PTPRC: variants seen among roughly 807,000 people sequenced by gnomAD.
The protein encoded by PTPRC is receptor-type tyrosine-protein phosphatase C.
In PTPRC, 44 loss-of-function variants were observed where a neutral mutation model predicts 155.9. The ratio of observed to expected loss-of-function variants is 0.28; its 90% CI spans 0.22 to 0.36. PTPRC has a LOEUF of 0.36. PTPRC is among the 10% of genes least tolerant of loss of function. The probability of loss-of-function intolerance (pLI) is 1.00; values close to 1 mark genes in which losing one functional copy is unlikely to be tolerated. For missense variants in PTPRC, 1,401 were observed against 1,564.6 expected (o/e 0.90, Z 1.76); for synonymous variants, 525 against 533.1 (o/e 0.98, Z 0.21).
intron 2 of PTPRC, among the ~76,000 whole-genome samples, chr1:198,643,238 T>A (rs1462996730): frequency 6.6e-6 from 1 of 151,872 alleles, no homozygotes; most frequent in Non-Finnish European, 1.5e-5. Context: ...TTAGTGGATT[T>A]CTTGACATTG....
chr1:198,638,909 G>A (rs941017159), upstream of PTPRC: 5 of 219,398 alleles, frequency 2.3e-5, no homozygotes, highest in Non-Finnish European at 4.6e-5. Flanking sequence ...CTTTTAAAAG[G>A]CTTTCTAACT....
intron 23 of PTPRC, among the ~76,000 whole-genome samples, chr1:198,737,526 T>C (rs1238477297): frequency 6.6e-6 from 1 of 151,670 alleles, no homozygotes; most frequent in Non-Finnish European, 1.5e-5. Context: ...GCTCTATGTA[T>C]GTTTTTATGC....
At chr1:198,739,361 A>G (rs1326685521) in intron 23 of PTPRC, among the ~76,000 whole-genome samples, 1 of 151,870 alleles carries the variant, frequency 6.6e-6, no homozygotes, top group Non-Finnish European at 1.5e-5. Flanking sequence ...AGACACAAAT[A>G]GACTTAAAAT....
chr1:198,702,479 GCTGCCTTAC>G lies in PTPRC; in HGVS notation c.537_545del (p.Leu180_Ala182del). On this transcript the variant is annotated inframe_deletion, in exon 6 of 33. Transcript: ENST00000442510. Reference sequence around the variant, plus strand: ...CCTCAGCCTTGCACACCACAGCTCTGCTGCCTTACCTGCACGCACCTCCAACACCACCAT... The same window carrying G: ...CCTCAGCCTTGCACACCACAGCTCTGCTGCACGCACCTCCAACACCACCAT... 1 of 1,614,090 alleles carries G rather than the reference GCTGCCTTAC, an allele frequency of 6.2e-7. No individual in the cohort carries two copies. The highest frequency in any genetic ancestry group is 2.2e-5 in the East Asian group (1 of 44,874).
intron 26 of PTPRC, among the ~76,000 whole-genome samples, chr1:198,744,720 A>G (rs750323378): frequency 5.3e-5 from 8 of 151,842 alleles, no homozygotes; most frequent in Non-Finnish European, 1.0e-4. Flanking sequence ...AATTTCAGAG[A>G]GTTTGCATAG....
chr1:198,649,912 T>C (rs1251746592), intron 2 of PTPRC, among the ~76,000 whole-genome samples: 1 of 151,848 alleles, frequency 6.6e-6, no homozygotes, highest in Non-Finnish European at 1.5e-5. Context: ...TAGTGTAATA[T>C]GGTAGAGTTT....
intron 2 of PTPRC, among the ~76,000 whole-genome samples, chr1:198,649,858 T>C (rs1392252530): frequency 6.6e-6 from 1 of 151,754 alleles, no homozygotes; most frequent in African/African-American, 2.4e-5. Context: ...AACAACAAAT[T>C]GAGATAACTT....
intron 2 of PTPRC, among the ~76,000 whole-genome samples, chr1:198,650,432 G>A (rs1663182637): frequency 6.6e-6 from 1 of 151,766 alleles, no homozygotes; most frequent in African/African-American, 2.4e-5. Flanking sequence ...CAGTGCAGGT[G>A]GAAAGAAAGG....
chr1:198,664,010 A>G (rs551694123), intron 2 of PTPRC, among the ~76,000 whole-genome samples: 4 of 152,202 alleles, frequency 2.6e-5, no homozygotes, highest in African/African-American at 9.6e-5. Flanking sequence ...TTAACCCTAC[A>G]TGCCTTTAGT....
Position 198,668,218 on chromosome 1 carries a change from A to G in PTPRC, c.74-24129A>G, listed in dbSNP as rs1229482756. On this transcript the variant is annotated intron_variant, in intron 2 of 32. Coordinates refer to ENST00000442510, the MANE Select transcript of PTPRC (RefSeq NM_002838.5). The stretch of plus-strand genomic sequence containing the variant: ...ATCATGGTGTGATGTCTTTTTTTTT[A>G]TTTTTGTTTTAGAGACAGGGTCTCA... Among the ~76,000 whole-genome samples, 4 of 151,264 alleles carry G rather than the reference A, an allele frequency of 2.6e-5. No homozygotes were observed. The East Asian group carries it at 7.7e-4, about 29-fold the overall frequency.
chr1:198,696,906 A>G lies in PTPRC; in HGVS notation c.295A>G (p.Thr99Ala), dbSNP rs762651341. 3.1e-6 allele frequency: 5 copies of G among 1,611,862 alleles called. No homozygotes were observed. The highest frequency in any genetic ancestry group is 1.1e-5 in the South Asian group (1 of 91,034). ...SLDNASAFNT[T>A]GVSSVQTPHL... The stretch of plus-strand genomic sequence containing the variant: ...GGATAATGCTAGTGCTTTTAATACC[A>G]CAGGTTGGCACACAAAAGTTGTTAA... Residue 99 changes from threonine to alanine, a missense_variant, in exon 4 of 33, where the codon ACA (threonine) becomes GCA (alanine). Thr to Ala is a moderately conservative substitution (Grantham distance 58, BLOSUM62 0). Coordinates refer to ENST00000442510, the MANE Select transcript of PTPRC (RefSeq NM_002838.5).
chr1:198,654,503 G>T (rs6428473), intron 2 of PTPRC, among the ~76,000 whole-genome samples: 59,219 of 151,346 alleles, frequency 0.39, 12,019 homozygotes, highest in East Asian at 0.68. Context: ...GTGAAGAAAA[G>T]ACAACTATAT....
Position 198,754,340 on chromosome 1 carries a change from T to C in PTPRC, c.3581T>C (p.Val1194Ala), listed in dbSNP as rs769204527. 6.2e-7 allele frequency: 1 copy of C among 1,613,070 alleles called. No individual in the cohort carries two copies. Residue 1194 changes from valine to alanine, a missense_variant, in exon 32 of 33, where the codon GTA (valine) becomes GCA (alanine). Physicochemically the swap from Val to Ala is moderately conservative, Grantham distance 64. Coordinates refer to ENST00000442510, the MANE Select transcript of PTPRC (RefSeq NM_002838.5). The part of the protein sequence containing the change: ...NLLESAETEE[V>A]VDIFQVVKAL... ...TTAGAAAGTGCGGAAACAGAAGAGG[T>C]AGTGGATATTTTTCAAGTGGTAAAA...
chr1:198,694,918 G>A, intron 3 of PTPRC: 1 of 977,980 alleles, frequency 1.0e-6, no homozygotes, highest in African/African-American at 1.8e-5. Flanking sequence ...TGGCTATGCT[G>A]GCATGTCATT....
chr1:198,672,676 TG>T (rs1469005813), intron 2 of PTPRC, among the ~76,000 whole-genome samples: 1 of 151,528 alleles, frequency 6.6e-6, no homozygotes, highest in Non-Finnish European at 1.5e-5. Context: ...TTAGTAGAGA[TG>T]GGGTTTCACC....
intron 17 of PTPRC, among the ~76,000 whole-genome samples, chr1:198,730,844 G>T (rs1654353380): frequency 6.6e-6 from 1 of 151,954 alleles, no homozygotes; most frequent in Non-Finnish European, 1.5e-5. Context: ...AAGATAAATG[G>T]GTCACCCTCA....
chr1:198,685,208 G>A (rs546882513), intron 2 of PTPRC, among the ~76,000 whole-genome samples: 7 of 151,744 alleles, frequency 4.6e-5, no homozygotes, highest in East Asian at 3.9e-4. Context: ...TTAACATAAC[G>A]TCTACATAAA....
chr1:198,720,115 G>A (rs1653815874), intron 14 of PTPRC, among the ~76,000 whole-genome samples: 2 of 152,062 alleles, frequency 1.3e-5, no homozygotes, highest in Admixed American at 6.5e-5. Context: ...CTGTCATTGT[G>A]TGTTATTCTC....
At chr1:198,737,928 C>T (rs751686165) in intron 23 of PTPRC, among the ~76,000 whole-genome samples, 16 of 151,408 alleles carry the variant, frequency 1.1e-4, no homozygotes, top group South Asian at 2.1e-4. Flanking sequence ...CTATTGCAAA[C>T]GAGATTACTT....
Sources: gnomAD v4.1 joint callset for allele counts (sites outside exome capture counted in the v4.1 genomes callset) on GRCh38, gnomAD v4.1.1 for gene constraint, MANE v1.5 for transcripts, NCBI Gene and HGNC (gene_info 2026-07-23, HGNC 2026-07-21) for gene names.